Variants in CFAP20DC observed in about 807,000 individuals in gnomAD.
CFAP20DC encodes the protein protein CFAP20DC.
A neutral mutation model predicts 101.7 loss-of-function variants in CFAP20DC; 84 were observed. That is an observed-to-expected ratio of 0.83 (90% CI 0.69 to 0.99). The LOEUF is 0.99. Ranked by LOEUF, CFAP20DC falls within the 50% of genes least tolerant of loss-of-function variation. The probability of loss-of-function intolerance (pLI) is 0.00; values close to 1 mark genes in which losing one functional copy is unlikely to be tolerated. For synonymous variants in CFAP20DC, 359 were observed against 351.2 expected, an observed-to-expected ratio of 1.02 and a Z score of -0.25; for missense variants, 1,007 against 970.3, an observed-to-expected ratio of 1.04 and a Z score of -0.50.
intron 15 of CFAP20DC, among the ~76,000 whole-genome samples, chr3:58,764,764 T>G (rs59071489): frequency 0.083 from 12,603 of 152,052 alleles, 896 homozygotes; most frequent in East Asian, 0.35. Flanking sequence ...AGTCAGGCCT[T>G]CTCTCTGAGC....
At chr3:58,844,467 G>A (rs201253188) in intron 13 of CFAP20DC, among the ~76,000 whole-genome samples, 1 of 132,354 alleles carries the variant, frequency 7.6e-6, no homozygotes, top group Non-Finnish European at 1.5e-5. Flanking sequence ...GCTAACTATC[G>A]TAAACATATA....
chr3:58,900,918 T>C (rs2083090638), intron 6 of CFAP20DC, among the ~76,000 whole-genome samples: 2 of 152,218 alleles, frequency 1.3e-5, no homozygotes, highest in African/African-American at 4.8e-5. Flanking sequence ...TTTTAACACA[T>C]ATGTAAAGCA....
intron 5 of CFAP20DC, among the ~76,000 whole-genome samples, chr3:58,927,880 A>G (rs1487862140): frequency 6.6e-6 from 1 of 152,176 alleles, no homozygotes. Context: ...GCTCTTTGGG[A>G]ATAGAGTATA....
intron 15 of CFAP20DC, among the ~76,000 whole-genome samples, chr3:58,780,954 AG>A (rs1165932747): frequency 6.6e-6 from 1 of 152,068 alleles, no homozygotes; most frequent in Non-Finnish European, 1.5e-5. Context: ...GGAAATTTAA[AG>A]AACATTTCAT....
intron 12 of CFAP20DC, among the ~76,000 whole-genome samples, chr3:58,860,227 G>A (rs1178453687): frequency 6.7e-6 from 1 of 148,584 alleles, no homozygotes; most frequent in East Asian, 2.0e-4. Flanking sequence ...CATTACTCAA[G>A]TATGTAGGGG....
intron 7 of CFAP20DC, among the ~76,000 whole-genome samples, chr3:58,884,180 C>T (rs943344888): frequency 6.6e-6 from 1 of 152,112 alleles, no homozygotes; most frequent in Non-Finnish European, 1.5e-5. Flanking sequence ...TGGCTTCAGT[C>T]CCCACTACTC....
intron 3 of CFAP20DC, among the ~76,000 whole-genome samples, chr3:58,723,273 C>T (rs2067497733): frequency 6.6e-6 from 1 of 152,192 alleles, no homozygotes; most frequent in South Asian, 2.1e-4. Context: ...ATATGCAACA[C>T]TTTGTAACAT....
chr3:58,849,158 A>G lies in CFAP20DC; in HGVS notation c.1845T>C (p.Cys615=), dbSNP rs2077998821. ...TGATTACGGGCTCTGGAGTTTTCTG[A>G]CAGGACCCACACCTTCTTCCAGTTG... ...LSPTGRRCGS[C]QKTPEPVIKA... Residue 615 remains cysteine, a synonymous_variant, in exon 13 of 17, where the codon TGT becomes TGC. Coordinates refer to ENST00000482387, the MANE Select transcript of CFAP20DC (RefSeq NM_001394063.1). The G allele has an allele frequency of 6.5e-7, 1 of 1,535,888 alleles. No homozygotes were observed. The highest frequency in any genetic ancestry group is 2.0e-5 in the Admixed American group (1 of 50,970).
At chr3:58,779,857 A>G (rs1257299845) in intron 15 of CFAP20DC, among the ~76,000 whole-genome samples, 2 of 152,178 alleles carry the variant, frequency 1.3e-5, no homozygotes, top group Non-Finnish European at 1.5e-5. Context: ...ATACAAGTTC[A>G]GAGATCCCCA....
intron 4 of CFAP20DC, among the ~76,000 whole-genome samples, chr3:59,008,316 T>C (rs2093488450): frequency 6.6e-6 from 1 of 152,176 alleles, no homozygotes; most frequent in Admixed American, 6.5e-5. Flanking sequence ...TGGTAGTTCC[T>C]ACTCTTAACC....
downstream of CFAP20DC, among the ~76,000 whole-genome samples, chr3:58,738,473 G>C (rs1348157215): frequency 6.6e-6 from 1 of 152,200 alleles, no homozygotes; most frequent in East Asian, 1.9e-4. This position sits in a 1 kb window ranked among gnomAD's most constrained non-coding sequence, Gnocchi z 4.4. Flanking sequence ...GTTTGCTGAG[G>C]ATAATGGCTT....
At chr3:58,818,339 G>C (rs1031313302) in intron 14 of CFAP20DC, among the ~76,000 whole-genome samples, 1 of 147,930 alleles carries the variant, frequency 6.8e-6, no homozygotes, top group Non-Finnish European at 1.5e-5. Context: ...AAAAGACACA[G>C]ACTGGCAAAT....
At chr3:59,035,452 T>C (rs1204296339) in intron 4 of CFAP20DC, among the ~76,000 whole-genome samples, 1 of 152,016 alleles carries the variant, frequency 6.6e-6, no homozygotes, top group African/African-American at 2.4e-5. Context: ...CTAGCCAGAC[T>C]ACTAAAGAAG....
At position 59,001,193 on chromosome 3, in the gene CFAP20DC, C is replaced by T. The variant is rs913756898; in HGVS notation, c.278+38364G>A. Among the ~76,000 whole-genome samples the T allele has an allele frequency of 6.6e-6, 1 of 152,158 alleles. No individual in the cohort carries two copies. The highest frequency in any genetic ancestry group is 1.5e-5 in the Non-Finnish European group (1 of 68,026). ...GATTTAAATCAATGGTAAAATAACA[C>T]ACATTGTAAATTATAATTTATGTAC... On this transcript the variant is annotated intron_variant, in intron 4 of 16. Coordinates refer to ENST00000482387, the MANE Select transcript of CFAP20DC (RefSeq NM_001394063.1). The surrounding 1 kb of genome is among the most constrained non-coding windows in gnomAD (Gnocchi z 4.5).
chr3:58,890,631 G>C (rs1158691598), intron 6 of CFAP20DC, among the ~76,000 whole-genome samples: 1 of 151,184 alleles, frequency 6.6e-6, no homozygotes, highest in Non-Finnish European at 1.5e-5. Flanking sequence ...CTTCCCAGAT[G>C]GGGTGGCTGC....
chr3:58,976,057 G>A (rs1330440321), intron 4 of CFAP20DC, among the ~76,000 whole-genome samples: 6 of 152,138 alleles, frequency 3.9e-5, no homozygotes, highest in African/African-American at 9.7e-5. Context: ...GGGTCTATTC[G>A]CTTTTGCAGA....
At chr3:58,873,196 T>G (rs1028305375) in intron 7 of CFAP20DC, among the ~76,000 whole-genome samples, 5 of 149,718 alleles carry the variant, frequency 3.3e-5, no homozygotes, top group South Asian at 2.2e-4. Context: ...GAAGTCTGGA[T>G]AGCCATTCTG....
At chr3:58,848,849 GA>G (rs2108298544) in intron 13 of CFAP20DC, among the ~76,000 whole-genome samples, 182 bp downstream of exon 13, 1 of 152,236 alleles carries the variant, frequency 6.6e-6, no homozygotes, top group African/African-American at 2.4e-5. Flanking sequence ...TTATCCTTGG[GA>G]TGTGCAGTAG....
chr3:58,836,169 A>T (rs1449872936), intron 13 of CFAP20DC, among the ~76,000 whole-genome samples: 1 of 152,164 alleles, frequency 6.6e-6, no homozygotes, highest in African/African-American at 2.4e-5. Context: ...GACAATTAAG[A>T]TATGGCCTTG....
Sources: gnomAD v4.1 joint callset for allele counts (sites outside exome capture counted in the v4.1 genomes callset) on GRCh38, gnomAD v4.1.1 for gene constraint, Gnocchi (gnomAD v3.1) non-coding constraint, MANE v1.5 for transcripts, NCBI Gene and HGNC (gene_info 2026-07-23, HGNC 2026-07-21) for gene names.